Variants in PRDM5 observed in about 807,000 individuals in gnomAD.
PRDM5 encodes the protein PR domain zinc finger protein 5.
A neutral mutation model predicts 81.2 loss-of-function variants in PRDM5; 56 were observed. The ratio of observed to expected loss-of-function variants is 0.69; its 90% CI spans 0.56 to 0.86. The LOEUF (loss-of-function observed/expected upper bound fraction) is 0.86, where lower values mean the gene tolerates loss of function less well. PRDM5 is among the 40% of genes least tolerant of loss of function. PRDM5 has a pLI of 0.00. For missense variants in PRDM5, 697 were observed against 770.1 expected (o/e 0.91, Z 1.12); for synonymous variants, 267 against 256.4 (o/e 1.04, Z -0.39).
Position 120,922,644 on chromosome 4 carries a change from C to T in PRDM5, c.-36G>A, listed in dbSNP as rs762300448. 1 of 1,576,450 alleles carries T rather than the reference C, an allele frequency of 6.3e-7. No homozygotes were observed. Among genetic ancestry groups the T allele is most frequent in the Non-Finnish European group, 8.6e-7 (1 of 1,161,766 alleles). The stretch of plus-strand genomic sequence containing the variant: ...GCGGCGGCCGCCGCCTCTCTCAACA[C>T]CGGCGCTTAGCGCCCGGCAGGCGGC... On this transcript the variant is annotated 5_prime_UTR_variant, in exon 1 of 16. It adds an upstream start codon to the 5' untranslated region. Transcript: ENST00000264808.
intron 2 of PRDM5, among the ~76,000 whole-genome samples, chr4:120,873,157 A>C (rs759392929): frequency 1.3e-5 from 2 of 152,048 alleles, no homozygotes; most frequent in Non-Finnish European, 2.9e-5. Flanking sequence ...ATGTGACACC[A>C]TATCTGGCTA....
chr4:120,773,285 T>A (rs531193121), intron 13 of PRDM5, among the ~76,000 whole-genome samples: 34 of 151,806 alleles, frequency 2.2e-4, no homozygotes, highest in African/African-American at 8.2e-4. Flanking sequence ...TTGAAAAAAA[T>A]AAAGAAAAAA....
chr4:120,906,515 G>C (rs56311699), intron 2 of PRDM5, among the ~76,000 whole-genome samples: 1 of 152,052 alleles, frequency 6.6e-6, no homozygotes, highest in South Asian at 2.1e-4. Flanking sequence ...TCCTAGGACT[G>C]CATTTTCCAA....
chr4:120,809,038 C>T (rs1037590466), intron 8 of PRDM5, among the ~76,000 whole-genome samples: 5 of 152,226 alleles, frequency 3.3e-5, no homozygotes, highest in African/African-American at 9.6e-5. Flanking sequence ...GGCTGAAAGG[C>T]TCCTCAAGCA....
At chr4:120,764,625 G>A (rs1034803814) in intron 13 of PRDM5, among the ~76,000 whole-genome samples, 2 of 151,910 alleles carry the variant, frequency 1.3e-5, no homozygotes, top group Non-Finnish European at 2.9e-5. Flanking sequence ...CCATTGATGT[G>A]GTTGTGGATC....
intron 15 of PRDM5, among the ~76,000 whole-genome samples, chr4:120,698,578 C>T (rs1445270613): frequency 5.9e-5 from 9 of 152,018 alleles, no homozygotes; most frequent in Admixed American, 4.6e-4. Flanking sequence ...TAGTCCAGTC[C>T]CCCTTCTGAT....
intron 2 of PRDM5, among the ~76,000 whole-genome samples, chr4:120,898,755 C>T (rs1345713289): frequency 6.6e-6 from 1 of 152,044 alleles, no homozygotes; most frequent in Non-Finnish European, 1.5e-5. Context: ...TTCTTTATAC[C>T]ATATATCACT....
At chr4:120,806,989 A>T (rs560897322) in intron 8 of PRDM5, among the ~76,000 whole-genome samples, 7 of 152,364 alleles carry the variant, frequency 4.6e-5, no homozygotes, top group African/African-American at 1.7e-4. Flanking sequence ...CAAAGAATTC[A>T]AACAAAGTTA....
intron 10 of PRDM5, among the ~76,000 whole-genome samples, chr4:120,790,271 T>C (rs1018620842): frequency 6.6e-6 from 1 of 152,200 alleles, no homozygotes; most frequent in Non-Finnish European, 1.5e-5. Context: ...ACAAGTGTAT[T>C]CTCTCCTCTG....
chr4:120,778,664 A>G lies in PRDM5; in HGVS notation c.1444-1383T>C, dbSNP rs3804166. Reference sequence around the variant, plus strand: ...ATTTTTTTTCCTTGAAACAATTTATATTATACTCGAGTTTGAAAAACACAA... The same window carrying G: ...ATTTTTTTTCCTTGAAACAATTTATGTTATACTCGAGTTTGAAAAACACAA... On this transcript the variant is annotated intron_variant, in intron 12 of 15. Transcript: ENST00000264808. Among the ~76,000 whole-genome samples, 3 of 152,096 alleles carry G rather than the reference A, an allele frequency of 2.0e-5. No homozygotes were observed. The South Asian group carries it at 6.2e-4, about 32-fold the overall frequency.
At chr4:120,882,655 ATAT>A (rs1762973203) in intron 2 of PRDM5, among the ~76,000 whole-genome samples, 1 of 152,348 alleles carries the variant, frequency 6.6e-6, no homozygotes, top group Non-Finnish European at 1.5e-5. Context: ...ACAAATCTCT[ATAT>A]TATTACTAAT....
chr4:120,852,569 C>T (rs373756640), intron 3 of PRDM5, among the ~76,000 whole-genome samples: 1 of 152,052 alleles, frequency 6.6e-6, no homozygotes, highest in Non-Finnish European at 1.5e-5. Flanking sequence ...CAGCTTCTGG[C>T]CATTAGACTT....
At chr4:120,744,723 T>C (rs1241228040) in intron 14 of PRDM5, among the ~76,000 whole-genome samples, 8 of 151,202 alleles carry the variant, frequency 5.3e-5, no homozygotes, top group Non-Finnish European at 2.9e-5. Flanking sequence ...CTCCCAAGAC[T>C]AAACCAGGAA....
chr4:120,880,041 T>C (rs1432143532), intron 2 of PRDM5, among the ~76,000 whole-genome samples: 1 of 152,134 alleles, frequency 6.6e-6, no homozygotes, highest in Non-Finnish European at 1.5e-5. Flanking sequence ...TGTATCAATA[T>C]TGGTTCATCA....
At chr4:120,766,048 C>T (rs1201855694) in intron 13 of PRDM5, among the ~76,000 whole-genome samples, 1 of 151,816 alleles carries the variant, frequency 6.6e-6, no homozygotes, top group African/African-American at 2.4e-5. Context: ...CAACCTCCAC[C>T]ACCTGGGTTC....
At chr4:120,749,638 C>A (rs576382477) in intron 14 of PRDM5, among the ~76,000 whole-genome samples, 110 of 152,302 alleles carry the variant, frequency 7.2e-4, no homozygotes, top group African/African-American at 2.6e-3. Flanking sequence ...GAGGGAGACA[C>A]CTGCCACGTC....
chr4:120,777,396 G>T, intron 12 of PRDM5, 115 bp from the exon 13 acceptor site: 2 of 1,518,130 alleles, frequency 1.3e-6, no homozygotes, highest in Non-Finnish European at 1.8e-6. Flanking sequence ...TCATTAAAAT[G>T]ATTTAATTTC....
chr4:120,730,680 A>T (rs1740117033), intron 14 of PRDM5, among the ~76,000 whole-genome samples: 2 of 152,208 alleles, frequency 1.3e-5, no homozygotes, highest in South Asian at 4.1e-4. Flanking sequence ...AACTCTCTTT[A>T]TATATATATT....
chr4:120,860,204 C>A (rs1483139711), intron 2 of PRDM5, among the ~76,000 whole-genome samples: 1 of 152,112 alleles, frequency 6.6e-6, no homozygotes, highest in Non-Finnish European at 1.5e-5. Flanking sequence ...GAGAAGGAAG[C>A]CTGTTATTTG....
Sources: gnomAD v4.1 joint callset for allele counts (sites outside exome capture counted in the v4.1 genomes callset) on GRCh38, gnomAD v4.1.1 for gene constraint, MANE v1.5 for transcripts, NCBI Gene and HGNC (gene_info 2026-07-23, HGNC 2026-07-21) for gene names.